ZBTB20: variants seen among roughly 807,000 people sequenced by gnomAD.
ZBTB20 encodes the protein zinc finger and BTB domain-containing protein 20.
ZBTB20 carries 9 observed loss-of-function variants against 56.9 expected under a neutral mutation model. That is an observed-to-expected ratio of 0.16 (90% CI 0.10 to 0.28). The LOEUF is 0.28. Ranked by LOEUF, ZBTB20 falls within the 10% of genes least tolerant of loss-of-function variation. The probability of loss-of-function intolerance (pLI) is 1.00; values close to 1 mark genes in which losing one functional copy is unlikely to be tolerated. For missense variants in ZBTB20, 655 were observed against 1,003.0 expected, an observed-to-expected ratio of 0.65 and a Z score of 4.69; for synonymous variants, 417 against 420.7, an observed-to-expected ratio of 0.99 and a Z score of 0.11.
intron 5 of ZBTB20, among the ~76,000 whole-genome samples, chr3:114,788,083 T>C (rs79468740): frequency 0.099 from 15,105 of 152,224 alleles, 983 homozygotes; most frequent in African/African-American, 0.18. Context: ...CATAAAAATC[T>C]AATGATTCTG....
At chr3:115,010,868 C>T (rs1576556429) in intron 2 of ZBTB20, among the ~76,000 whole-genome samples, 1 of 151,806 alleles carries the variant, frequency 6.6e-6, no homozygotes, top group African/African-American at 2.4e-5. Flanking sequence ...ATTCAAAATA[C>T]CTGTGTTGAG....
At chr3:114,595,344 G>C (rs1333733373) in intron 6 of ZBTB20, among the ~76,000 whole-genome samples, 2 of 152,190 alleles carry the variant, frequency 1.3e-5, no homozygotes, top group African/African-American at 4.8e-5. Context: ...TTCCCTTTCT[G>C]ATGAGAAACT....
intron 10 of ZBTB20, among the ~76,000 whole-genome samples, chr3:114,374,283 T>A (rs1283594084): frequency 1.3e-5 from 2 of 152,094 alleles, no homozygotes; most frequent in Non-Finnish European, 2.9e-5. Context: ...AATATATAAT[T>A]CCTTACAGAA....
chr3:114,432,220 T>C (rs1423273176), intron 7 of ZBTB20, among the ~76,000 whole-genome samples: 1 of 150,418 alleles, frequency 6.6e-6, no homozygotes, highest in Non-Finnish European at 1.5e-5. Flanking sequence ...ATATGTTTAA[T>C]GCCATTTAAA....
chr3:114,659,029 C>T (rs569796633), intron 6 of ZBTB20, among the ~76,000 whole-genome samples: 1 of 152,312 alleles, frequency 6.6e-6, no homozygotes, highest in South Asian at 2.1e-4. Flanking sequence ...TAATCTTCAT[C>T]CAGGTTATCT....
intron 7 of ZBTB20, among the ~76,000 whole-genome samples, chr3:114,465,000 C>T (rs2092481800): frequency 6.6e-6 from 1 of 151,860 alleles, no homozygotes; most frequent in Non-Finnish European, 1.5e-5. Flanking sequence ...CCCCCAACCC[C>T]CACACACTCC....
intron 5 of ZBTB20, among the ~76,000 whole-genome samples, chr3:114,734,349 G>C (rs148641131): frequency 1.3e-5 from 2 of 151,976 alleles, no homozygotes; most frequent in Admixed American, 6.6e-5. Context: ...TTTCATGCAG[G>C]CCTCTAATTA....
chr3:114,878,966 A>G (rs902417399), intron 4 of ZBTB20, among the ~76,000 whole-genome samples: 1 of 152,222 alleles, frequency 6.6e-6, no homozygotes, highest in Non-Finnish European at 1.5e-5. Flanking sequence ...TGAAAATTAT[A>G]AAGCCAGGTA....
intron 6 of ZBTB20, among the ~76,000 whole-genome samples, chr3:114,547,209 G>GA (rs1559942480): frequency 6.6e-6 from 1 of 152,184 alleles, no homozygotes; most frequent in African/African-American, 2.4e-5. Flanking sequence ...TCTTCAGGTA[G>GA]AAAAGCAGCA....
At chr3:114,657,211 G>T (rs2060461568) in intron 6 of ZBTB20, among the ~76,000 whole-genome samples, 1 of 152,150 alleles carries the variant, frequency 6.6e-6, no homozygotes, top group Non-Finnish European at 1.5e-5. Flanking sequence ...CGACCACTTT[G>T]ATTTGAAGAG....
At position 114,335,125 on chromosome 3, in the gene ZBTB20, C is replaced by A. The variant is rs921544004; in HGVS notation, c.*3880G>T. 6.6e-6 allele frequency: 1 copy of A among 152,006 alleles called. No individual in the cohort carries two copies. Among genetic ancestry groups the A allele is most frequent in the Admixed American group, 6.6e-5 (1 of 15,264 alleles). 9.4% of individuals were successfully genotyped at this position (152,006 alleles called of 1,614,324 possible). On this transcript the variant is annotated 3_prime_UTR_variant, in exon 12 of 12. Coordinates refer to ENST00000675478, the MANE Select transcript of ZBTB20 (RefSeq NM_001348800.3). Reference sequence around the variant, plus strand: ...TAAATATCTTGAGATAAAAATTCCCCTTTGACTTTTTTTCCTCTCCCTTGT... The same window carrying A: ...TAAATATCTTGAGATAAAAATTCCCATTTGACTTTTTTTCCTCTCCCTTGT...
chr3:115,137,054 T>G (rs1351701635), intron 1 of ZBTB20, among the ~76,000 whole-genome samples: 1 of 152,080 alleles, frequency 6.6e-6, no homozygotes, highest in Non-Finnish European at 1.5e-5. Flanking sequence ...TTTTTCTAAC[T>G]TTAAAATACA....
intron 7 of ZBTB20, among the ~76,000 whole-genome samples, chr3:114,457,162 T>C (rs2092070302): frequency 6.6e-6 from 1 of 152,204 alleles, no homozygotes; most frequent in South Asian, 2.1e-4. Flanking sequence ...TAAATGTCTG[T>C]TGGTGAACTG....
chr3:114,790,683 C>T (rs897403172), intron 5 of ZBTB20, among the ~76,000 whole-genome samples: 3 of 151,638 alleles, frequency 2.0e-5, no homozygotes, highest in African/African-American at 7.3e-5. Flanking sequence ...CTGGTACCAG[C>T]TTTGGTGACC....
intron 2 of ZBTB20, among the ~76,000 whole-genome samples, chr3:115,024,005 G>T (rs1285655262): frequency 6.6e-6 from 1 of 150,964 alleles, no homozygotes; most frequent in Non-Finnish European, 1.5e-5. Flanking sequence ...ATTTATATTT[G>T]ATATCTATAT....
At chr3:114,341,556 G>C (rs1331729192) in intron 11 of ZBTB20, among the ~76,000 whole-genome samples, 2 of 152,158 alleles carry the variant, frequency 1.3e-5, no homozygotes, top group Non-Finnish European at 2.9e-5. Flanking sequence ...TTCACCTTCT[G>C]TGTGTTTTTC....
intron 5 of ZBTB20, among the ~76,000 whole-genome samples, chr3:114,725,559 A>T (rs1192297671): frequency 6.6e-6 from 1 of 152,232 alleles, no homozygotes; most frequent in Non-Finnish European, 1.5e-5. Flanking sequence ...TTTAAATGCA[A>T]TTGATTACTT....
chr3:114,425,942 T>C (rs1018807891), intron 7 of ZBTB20, among the ~76,000 whole-genome samples: 2 of 152,336 alleles, frequency 1.3e-5, no homozygotes, highest in African/African-American at 4.8e-5. Context: ...GAGCCACTTA[T>C]CAAATTTAGA....
At chr3:114,592,328 G>C (rs11716475) in intron 6 of ZBTB20, among the ~76,000 whole-genome samples, 14,303 of 152,226 alleles carry the variant, frequency 0.094, 780 homozygotes, top group African/African-American at 0.14. Context: ...TAAGAAAGAA[G>C]ATAATATATT....
Sources: gnomAD v4.1 joint callset for allele counts (sites outside exome capture counted in the v4.1 genomes callset) on GRCh38, gnomAD v4.1.1 for gene constraint, MANE v1.5 for transcripts, NCBI Gene and HGNC (gene_info 2026-07-23, HGNC 2026-07-21) for gene names.